XIRP2: variants seen among roughly 807,000 people sequenced by gnomAD.
The protein encoded by XIRP2 is xin actin-binding repeat-containing protein 2.
Under a neutral mutation model 277.0 loss-of-function variants are expected in XIRP2, and 236 were observed. The ratio of observed to expected loss-of-function variants is 0.85; its 90% CI spans 0.77 to 0.95. The LOEUF (loss-of-function observed/expected upper bound fraction) is 0.95, where lower values mean the gene tolerates loss of function less well. Ranked by LOEUF, XIRP2 falls within the 40% of genes least tolerant of loss-of-function variation. The probability of loss-of-function intolerance (pLI) is 0.00; values close to 1 mark genes in which losing one functional copy is unlikely to be tolerated. For synonymous variants in XIRP2, 1,490 were observed against 1,416.5 expected, an observed-to-expected ratio of 1.05 and a Z score of -1.17; for missense variants, 4,640 against 4,157.5, an observed-to-expected ratio of 1.12 and a Z score of -3.19.
At chr2:166,951,236 G>A (rs1399039991) in intron 2 of XIRP2, among the ~76,000 whole-genome samples, 1 of 152,002 alleles carries the variant, frequency 6.6e-6, no homozygotes, top group African/African-American at 2.4e-5. Flanking sequence ...TAAATAACTT[G>A]ACTGGGTAGT....
At chr2:167,168,915 T>C (rs894968564) in intron 3 of XIRP2, among the ~76,000 whole-genome samples, 3 of 152,180 alleles carry the variant, frequency 2.0e-5, no homozygotes, top group Admixed American at 6.5e-5. Context: ...CTCTTCTTTA[T>C]CCATTAGGGC....
chr2:166,934,076 C>T (rs559919331), intron 2 of XIRP2, among the ~76,000 whole-genome samples: 1 of 151,080 alleles, frequency 6.6e-6, no homozygotes, highest in East Asian at 2.0e-4. Flanking sequence ...GTATTCAAGC[C>T]ATTGAGTAAG....
chr2:167,010,908 G>C (rs1044159929), intron 2 of XIRP2, among the ~76,000 whole-genome samples: 1 of 152,050 alleles, frequency 6.6e-6, no homozygotes, highest in Admixed American at 6.6e-5. Context: ...TGTGATTTTT[G>C]TACATTGATT....
At chr2:166,910,227 G>A (rs975331778) in intron 2 of XIRP2, among the ~76,000 whole-genome samples, 2 of 152,152 alleles carry the variant, frequency 1.3e-5, no homozygotes, top group Admixed American at 6.5e-5. Flanking sequence ...ATTCAGCTGT[G>A]AATCAGTCTG....
Position 167,244,535 on chromosome 2 carries a change from A to T in XIRP2, c.3143A>T (p.Gln1048Leu). 1 of 1,613,246 alleles carries T rather than the reference A, an allele frequency of 6.2e-7. No homozygotes were observed. Among genetic ancestry groups the T allele is most frequent in the Non-Finnish European group, 8.5e-7 (1 of 1,179,632 alleles). Residue 1048 changes from glutamine (Q) to leucine (L), a missense_variant, in exon 9 of 11, where the codon CAG becomes CTG. Gln to Leu is a moderately radical substitution (Grantham distance 113). Coordinates refer to ENST00000409195, the MANE Select transcript of XIRP2 (RefSeq NM_152381.6). ...IIRGISAQEIQTGNVKSAKWL... is the reference protein window; with the variant it reads ...IIRGISAQEILTGNVKSAKWL... ...AGAGGAATATCTGCTCAAGAAATAC[A>T]GACTGGAAATGTGAAATCTGCCAAA... is the stretch of plus-strand genomic sequence containing the variant.
chr2:167,116,708 T>C (rs1690905766), intron 2 of XIRP2, among the ~76,000 whole-genome samples: 1 of 152,206 alleles, frequency 6.6e-6, no homozygotes, highest in Non-Finnish European at 1.5e-5. Context: ...TTGTATTAGT[T>C]AATGTAATGT....
At chr2:167,235,505 G>A (rs1694877550) in intron 5 of XIRP2, among the ~76,000 whole-genome samples, 1 of 151,918 alleles carries the variant, frequency 6.6e-6, no homozygotes, top group East Asian at 1.9e-4. Context: ...GCTATCTACT[G>A]TGTACCTGGA....
intron 2 of XIRP2, among the ~76,000 whole-genome samples, chr2:167,114,545 T>A (rs1690842437): frequency 6.6e-6 from 1 of 152,094 alleles, no homozygotes; most frequent in African/African-American, 2.4e-5. Context: ...GCTGCACCCA[T>A]TAACTGGTCA....
chr2:167,074,821 T>G lies in XIRP2; in HGVS notation c.409-61088T>G, dbSNP rs1046319357. Among the ~76,000 whole-genome samples, 23 of 152,244 alleles carry G rather than the reference T, an allele frequency of 1.5e-4. 1 individual carries two copies. The highest frequency in any genetic ancestry group is 1.3e-3 in the Admixed American group (20 of 15,296). On this transcript the variant is annotated intron_variant, in intron 2 of 10. Transcript: ENST00000409195. The stretch of plus-strand genomic sequence containing the variant: ...CACTCAGGCAATAGAGACAGGGTTT[T>G]GCCATGTTGCCCAAGCTGGTCTCAA...
At chr2:167,164,445 C>CAAAAAAAAAAAAAAAAAAAAAAAAAAA (rs36066566) in intron 3 of XIRP2, among the ~76,000 whole-genome samples, 1 of 46,642 alleles carries the variant, frequency 2.1e-5, no homozygotes, top group Non-Finnish European at 4.2e-5. Context: ...GACTCCGTCT[C>CAAAAAAAAAAAAAAAAAAAAAAAAAAA]AAAAAAAAAA....
intron 2 of XIRP2, among the ~76,000 whole-genome samples, chr2:166,980,202 C>T (rs569389832): frequency 2.6e-4 from 40 of 151,910 alleles, no homozygotes; most frequent in Non-Finnish European, 5.3e-4. Context: ...CACTTTTGAA[C>T]CTAGTATTGG....
chr2:167,141,562 C>T (rs112433675), intron 3 of XIRP2, among the ~76,000 whole-genome samples: 3,715 of 152,142 alleles, frequency 0.024, 62 homozygotes, highest in East Asian at 0.049. Context: ...TGAGAATCAG[C>T]CACACGGGAA....
chr2:167,026,837 C>T (rs978117385), intron 2 of XIRP2, among the ~76,000 whole-genome samples: 2 of 152,012 alleles, frequency 1.3e-5, no homozygotes, highest in Admixed American at 6.6e-5. Flanking sequence ...AATGTTGGCC[C>T]CCACTCTTCT....
chr2:167,053,270 A>G (rs1366363131), intron 2 of XIRP2, among the ~76,000 whole-genome samples: 1 of 152,256 alleles, frequency 6.6e-6, no homozygotes, highest in Non-Finnish European at 1.5e-5. Context: ...TTAAAACTTT[A>G]ATGAATATTT....
At chr2:167,103,009 C>T (rs1432633315) in intron 2 of XIRP2, among the ~76,000 whole-genome samples, 1 of 152,136 alleles carries the variant, frequency 6.6e-6, no homozygotes, top group Non-Finnish European at 1.5e-5. Context: ...CATGGTGGCT[C>T]ATGCCTGTAG....
chr2:167,188,766 G>A (rs1045208397), intron 3 of XIRP2, among the ~76,000 whole-genome samples: 1 of 152,222 alleles, frequency 6.6e-6, no homozygotes, highest in Non-Finnish European at 1.5e-5. Flanking sequence ...CCTGCACTAT[G>A]GCAAAGTGCC....
At chr2:167,192,399 A>G (rs1310219004) in intron 3 of XIRP2, among the ~76,000 whole-genome samples, 1 of 152,202 alleles carries the variant, frequency 6.6e-6, no homozygotes, top group East Asian at 1.9e-4. Context: ...CTGCCCTAAT[A>G]AGTCACCTTC....
intron 2 of XIRP2, among the ~76,000 whole-genome samples, chr2:167,119,487 A>G (rs1288130067): frequency 2.6e-5 from 4 of 152,212 alleles, no homozygotes; most frequent in Non-Finnish European, 4.4e-5. Context: ...ACACTTAAAT[A>G]CAATCTCATG....
chr2:167,157,524 A>AG, intron 3 of XIRP2, among the ~76,000 whole-genome samples: 1 of 152,032 alleles, frequency 6.6e-6, no homozygotes, highest in Non-Finnish European at 1.5e-5. Flanking sequence ...AATAGCTTGG[A>AG]GGCTACCCTT....
Sources: allele counts gnomAD v4.1 joint callset (sites outside exome capture counted in the v4.1 genomes callset), GRCh38; gene constraint gnomAD v4.1.1; transcripts MANE v1.5; gene names NCBI Gene and HGNC (gene_info 2026-07-23, HGNC 2026-07-21).